L3MBTL3: variants seen among roughly 807,000 people sequenced by gnomAD.
L3MBTL3 encodes L3MBTL histone methyl-lysine binding protein 3, also known as lethal(3)malignant brain tumor-like protein 3.
L3MBTL3 carries 27 observed loss-of-function variants against 102.3 expected under a neutral mutation model. The ratio of observed to expected loss-of-function variants is 0.26; its 90% CI spans 0.19 to 0.36. The LOEUF is 0.36. L3MBTL3 is among the 10% of genes least tolerant of loss of function. L3MBTL3 has a pLI of 1.00. For synonymous variants in L3MBTL3, 340 were observed against 320.9 expected (o/e 1.06, Z -0.64); for missense variants, 798 against 955.3 (o/e 0.84, Z 2.17).
In L3MBTL3 at chr6:130,133,303, A is replaced by G. The variant is rs1276049567; in HGVS notation, c.1967-149A>G. ...TTTTATAGTGACCTTCAGTAAAGAC[A>G]AAGAAGAGCCTATTCAATAGTATAA... On this transcript the variant is annotated intron_variant, in intron 20 of 22. Transcript: ENST00000361794. This position sits in a 1 kb window ranked among gnomAD's most constrained non-coding sequence, Gnocchi z 4.9. 4.5e-6 allele frequency: 3 copies of G among 671,718 alleles called. No homozygotes were observed. The African/African-American group carries it at 5.4e-5, about 12-fold the overall frequency. The allele number at this position is 671,718 out of a possible 1,614,324, so 41.6% of individuals were successfully genotyped here. A position where few individuals can be genotyped will look rare whatever the true frequency, so the allele number is the denominator to read the frequency against.
intron 18 of L3MBTL3, among the ~76,000 whole-genome samples, chr6:130,097,190 A>C (rs1257321430): frequency 6.6e-6 from 1 of 152,124 alleles, no homozygotes; most frequent in Non-Finnish European, 1.5e-5. Flanking sequence ...CCTGTTTTCC[A>C]TTTCATTAGT....
intron 16 of L3MBTL3, among the ~76,000 whole-genome samples, chr6:130,090,742 A>G (rs1002272054): frequency 6.6e-6 from 1 of 151,554 alleles, no homozygotes; most frequent in African/African-American, 2.4e-5. Flanking sequence ...GACTACACTT[A>G]GCTTTTATTT....
At chr6:130,042,090 G>A (rs570294947) in intron 2 of L3MBTL3, among the ~76,000 whole-genome samples, 5 of 152,238 alleles carry the variant, frequency 3.3e-5, no homozygotes, top group African/African-American at 1.2e-4. Flanking sequence ...AAAGACAACA[G>A]TCTTAGAACA....
At chr6:130,132,774 T>C (rs912621671) in intron 20 of L3MBTL3, among the ~76,000 whole-genome samples, 1 of 152,170 alleles carries the variant, frequency 6.6e-6, no homozygotes, top group African/African-American at 2.4e-5. Flanking sequence ...TAGGGTTTTT[T>C]TTTTTCTTTC....
At chr6:130,083,875 A>G (rs7774174) in intron 15 of L3MBTL3, among the ~76,000 whole-genome samples, 170 bp downstream of exon 15, 60,105 of 151,920 alleles carry the variant, frequency 0.4, 13,771 homozygotes, top group African/African-American at 0.64. Context: ...TTGTTACTGG[A>G]ATTTTTGTTG....
intron 19 of L3MBTL3, among the ~76,000 whole-genome samples, chr6:130,119,833 CAT>C (rs1373315715): frequency 1.3e-5 from 2 of 152,084 alleles, no homozygotes; most frequent in African/African-American, 4.8e-5. Context: ...AAATAGAAAA[CAT>C]GTATTTATTG....
At position 130,042,681 on chromosome 6, in the gene L3MBTL3, T is replaced by G. The variant is rs946993619; in HGVS notation, c.-15-4T>G. The G allele has an allele frequency of 2.6e-6, 4 of 1,552,108 alleles. No homozygotes were observed. The highest frequency in any genetic ancestry group is 1.7e-4 in the Middle Eastern group (1 of 5,960). On this transcript the variant is annotated splice_region_variant and splice_polypyrimidine_tract_variant and intron_variant, in intron 2 of 22. Transcript: ENST00000361794. ...TAGTGATATGCCTTCTTTTCCCCTT[T>G]CAGGTTAAAAAATAAATCATGACTG...
At chr6:130,107,325 A>T (rs1296075418) in intron 19 of L3MBTL3, among the ~76,000 whole-genome samples, 1 of 152,126 alleles carries the variant, frequency 6.6e-6, no homozygotes, top group Non-Finnish European at 1.5e-5. Context: ...AGAGTTTTAT[A>T]TTTTTTCTTT....
At chr6:130,031,282 A>G (rs1158729351) in intron 2 of L3MBTL3, among the ~76,000 whole-genome samples, 1 of 152,224 alleles carries the variant, frequency 6.6e-6, no homozygotes, top group South Asian at 2.1e-4. Flanking sequence ...TTGTAGTTGA[A>G]TCCAACTTGA....
intron 22 of L3MBTL3, among the ~76,000 whole-genome samples, chr6:130,134,741 G>A (rs774330319): frequency 2.6e-5 from 4 of 152,278 alleles, no homozygotes; most frequent in East Asian, 1.9e-4. Context: ...ACAGTTACAC[G>A]CATACACAAC....
chr6:130,085,152 T>G (rs2115141424), intron 15 of L3MBTL3, among the ~76,000 whole-genome samples: 1 of 152,204 alleles, frequency 6.6e-6, no homozygotes, highest in Admixed American at 6.5e-5. Context: ...CTTATACCCA[T>G]TTTACAGAAG....
At position 130,068,405 on chromosome 6, in the gene L3MBTL3, T is replaced by A; in HGVS notation, c.1076T>A (p.Phe359Tyr). The change falls in exon 12 of 23, where the codon TTT becomes TAT. Residue 359 changes from phenylalanine (F) to tyrosine (Y), a missense_variant. Around this residue, in one of 4 missense-constraint regions of L3MBTL3, gnomAD observed 434 missense variants for 506.6 expected, o/e 0.86. Transcript: ENST00000361794. ...CKAQAAPKSL[F>Y]ENQNITVIPS... ...GCTCAAGCTGCTCCTAAGTCATTAT[T>A]TGAAAATCAGAATATAGTAAGTACA... The A allele has an allele frequency of 6.3e-7, 1 of 1,593,678 alleles. No homozygotes were observed. Among genetic ancestry groups the A allele is most frequent in the Non-Finnish European group, 8.6e-7 (1 of 1,161,788 alleles).
intron 13 of L3MBTL3, among the ~76,000 whole-genome samples, chr6:130,077,220 AT>A (rs1173703486): frequency 1.3e-5 from 2 of 152,000 alleles, no homozygotes; most frequent in African/African-American, 2.4e-5. Context: ...AACCAAAATG[AT>A]TTTTTTTAGG....
At chr6:130,022,723 G>A (rs1779090453) in intron 2 of L3MBTL3, among the ~76,000 whole-genome samples, 1 of 152,202 alleles carries the variant, frequency 6.6e-6, no homozygotes, top group Non-Finnish European at 1.5e-5. Flanking sequence ...TTTTGTGAAT[G>A]AAATTTACAT....
intron 16 of L3MBTL3, among the ~76,000 whole-genome samples, chr6:130,088,938 T>C (rs1783860692): frequency 6.6e-6 from 1 of 152,108 alleles, no homozygotes; most frequent in Non-Finnish European, 1.5e-5. Context: ...TTGTGACTAT[T>C]TTTTTGGGAG....
chr6:130,055,700 T>TTCTCTC (rs371510182), intron 8 of L3MBTL3, among the ~76,000 whole-genome samples: 2 of 132,188 alleles, frequency 1.5e-5, no homozygotes, highest in African/African-American at 5.5e-5. Context: ...CCCTCTCTCT[T>TTCTCTC]TCTCTCTCTC....
Position 130,060,148 on chromosome 6 carries a change from T to TACC in L3MBTL3, c.864+8_864+9insACC. On this transcript the variant is annotated intron_variant, in intron 10 of 22. Coordinates refer to ENST00000361794, the MANE Select transcript of L3MBTL3 (RefSeq NM_032438.4). ...GTCCTCACCGTCGCGGAGGTAAGCT[T>TACC]TGCCTCGTCCTTTATTTTTAAAATA... The TACC allele has an allele frequency of 6.6e-7, 1 of 1,507,820 alleles. No individual in the cohort carries two copies. Among genetic ancestry groups the TACC allele is most frequent in the Non-Finnish European group, 9.1e-7 (1 of 1,099,928 alleles). 93.4% of individuals were successfully genotyped at this position (1,507,820 alleles called of 1,614,324 possible).
intron 22 of L3MBTL3, among the ~76,000 whole-genome samples, chr6:130,134,899 G>A (rs1017844790): frequency 1.3e-5 from 2 of 152,134 alleles, no homozygotes; most frequent in African/African-American, 4.8e-5. Context: ...ATGAAAGCTT[G>A]TTAAAATGCA....
At chr6:130,068,507 C>T (rs1782419710) in intron 12 of L3MBTL3, 86 bp downstream of exon 12, 1 of 696,546 alleles carries the variant, frequency 1.4e-6, no homozygotes. Context: ...TAACAAGGAA[C>T]TATAATAAAT....
Sources: allele counts gnomAD v4.1 joint callset (sites outside exome capture counted in the v4.1 genomes callset), GRCh38; gene constraint gnomAD v4.1.1; regional missense constraint gnomAD v4.1.1; non-coding constraint Gnocchi (gnomAD v3.1); transcripts MANE v1.5; gene names NCBI Gene and HGNC (gene_info 2026-07-23, HGNC 2026-07-21).